STK33: variants seen among roughly 807,000 people sequenced by gnomAD.
The protein encoded by STK33 is serine/threonine kinase 33.
Under a neutral mutation model 58.0 loss-of-function variants are expected in STK33, and 52 were observed. The ratio of observed to expected loss-of-function variants is 0.90; its 90% confidence interval spans 0.72 to 1.13. The LOEUF (loss-of-function observed/expected upper bound fraction) is 1.13, where lower values mean the gene tolerates loss of function less well. Ranked by LOEUF, STK33 falls within the 50% of genes most tolerant of loss-of-function variation. STK33 has a pLI of 0.00. For missense variants in STK33, 630 were observed against 604.2 expected, an observed-to-expected ratio of 1.04 and a Z score of -0.45; for synonymous variants, 215 against 200.1, an observed-to-expected ratio of 1.07 and a Z score of -0.63.
intron 1 of STK33, among the ~76,000 whole-genome samples, chr11:8,519,199 G>A (rs190213516): frequency 0.022 from 3,395 of 152,100 alleles, 76 homozygotes; most frequent in African/African-American, 0.053. Flanking sequence ...ACTCAAAACC[G>A]CTCAACTACA....
chr11:8,487,605 G>C (rs190330093), intron 1 of STK33, among the ~76,000 whole-genome samples: 1 of 152,122 alleles, frequency 6.6e-6, no homozygotes, highest in East Asian at 1.9e-4. Context: ...AGTCTTCAGT[G>C]GACTGAAGAA....
intron 1 of STK33, among the ~76,000 whole-genome samples, chr11:8,483,469 T>C (rs1007930826): frequency 3.3e-5 from 5 of 152,168 alleles, no homozygotes; most frequent in African/African-American, 7.2e-5. Flanking sequence ...GAGGCTCTTG[T>C]ACTGAAGAGC....
chr11:8,410,470 C>CTTTTTTTTTTTTT (rs11382344), intron 15 of STK33, among the ~76,000 whole-genome samples: 86 of 121,810 alleles, frequency 7.1e-4, no homozygotes, highest in South Asian at 1.4e-3. Context: ...CTTTTCTTTT[C>CTTTTTTTTTTTTT]TTTTTTTTTT....
chr11:8,409,113 G>T (rs1375296290), intron 15 of STK33, among the ~76,000 whole-genome samples: 1 of 152,216 alleles, frequency 6.6e-6, no homozygotes, highest in East Asian at 1.9e-4. Flanking sequence ...TCTTTTGAAG[G>T]ATAGCAGTTG....
chr11:8,534,580 G>C (rs1373797412), intron 1 of STK33, among the ~76,000 whole-genome samples: 2 of 150,602 alleles, frequency 1.3e-5, no homozygotes, highest in African/African-American at 2.4e-5. Context: ...GTGTGTGTGT[G>C]TGTGTGTGTG....
chr11:8,477,181 C>CACACACACACACACACACAT (rs1391215547), intron 3 of STK33, 69 bp downstream of exon 3: 1 of 149,212 alleles, frequency 6.7e-6, no homozygotes, highest in East Asian at 2.0e-4. Flanking sequence ...CACACATACA[C>CACACACACACACACACACAT]ATCTCTTATA....
At chr11:8,429,658 A>G (rs1307025974) in intron 14 of STK33, among the ~76,000 whole-genome samples, 2 of 152,084 alleles carry the variant, frequency 1.3e-5, no homozygotes, top group Admixed American at 1.3e-4. Flanking sequence ...CTGTTGCCAG[A>G]TAACTCTTAC....
chr11:8,355,833 G>A, the STK33 span, among the ~76,000 whole-genome samples: 2 of 152,212 alleles, frequency 1.3e-5, no homozygotes, highest in East Asian at 1.9e-4. Context: ...TGTCGGAAGC[G>A]CTTCGTAAAT....
rs571685106 is a variant in STK33, at chr11:8,451,553, G to T, written c.871+1269C>A. Among the ~76,000 whole-genome samples, 11 of 152,284 alleles carry T rather than the reference G, an allele frequency of 7.2e-5. No homozygotes were observed. In the South Asian group the frequency reaches 2.1e-3, roughly 29 times the overall value. ...AAAGAAAAAAAAAGAGGCACATTTA[G>T]AGAGACAAGAAGGCAAATCTAGAGA... On this transcript the variant is annotated intron_variant, in intron 11 of 15. Coordinates refer to ENST00000687296, the MANE Select transcript of STK33 (RefSeq NM_001352389.2).
intron 9 of STK33, among the ~76,000 whole-genome samples, chr11:8,455,563 C>T (rs1946746357): frequency 6.6e-6 from 1 of 152,088 alleles, no homozygotes; most frequent in Admixed American, 6.5e-5. Context: ...AATCCCAGCA[C>T]TGTGGGAGGC....
chr11:8,441,121 T>A (rs773450013), intron 11 of STK33, among the ~76,000 whole-genome samples: 1 of 152,196 alleles, frequency 6.6e-6, no homozygotes, highest in African/African-American at 2.4e-5. Context: ...AGATGTAACA[T>A]AATGCAGGCC....
At chr11:8,365,219 C>A in the STK33 span, among the ~76,000 whole-genome samples, 1 of 152,328 alleles carries the variant, frequency 6.6e-6, no homozygotes, top group South Asian at 2.1e-4. Flanking sequence ...TGCAGTTGCT[C>A]CCCAGCTGTG....
downstream of STK33, among the ~76,000 whole-genome samples, chr11:8,390,766 C>T (rs1171283444): frequency 6.6e-6 from 1 of 152,110 alleles, no homozygotes; most frequent in Non-Finnish European, 1.5e-5. Flanking sequence ...ATGACTTCAT[C>T]TTTTAGTTAG....
intron 6 of STK33, among the ~76,000 whole-genome samples, chr11:8,470,772 T>C (rs151245942): frequency 1.4e-4 from 21 of 152,298 alleles, no homozygotes; most frequent in Admixed American, 8.5e-4. Flanking sequence ...GGTCAGTCAC[T>C]GGAGCAATCA....
At chr11:8,352,999 C>T in the STK33 span, among the ~76,000 whole-genome samples, 5 of 152,290 alleles carry the variant, frequency 3.3e-5, no homozygotes, top group East Asian at 1.9e-4. Context: ...GCCCTGGCCC[C>T]GCGTGCTGCT....
the STK33 span, among the ~76,000 whole-genome samples, chr11:8,355,169 C>T: frequency 6.6e-6 from 1 of 152,168 alleles, no homozygotes; most frequent in African/African-American, 2.4e-5. Flanking sequence ...ATGCTGCCCT[C>T]ACCAGGCAGT....
intron 1 of STK33, among the ~76,000 whole-genome samples, chr11:8,523,241 G>C (rs1297727349): frequency 5.3e-5 from 8 of 151,838 alleles, no homozygotes; most frequent in Non-Finnish European, 8.8e-5. Flanking sequence ...GAGCGTCTCT[G>C]CCTGGCCGCC....
intron 1 of STK33, among the ~76,000 whole-genome samples, chr11:8,542,785 T>C (rs1282972318): frequency 6.6e-6 from 1 of 152,190 alleles, no homozygotes; most frequent in Non-Finnish European, 1.5e-5. Flanking sequence ...CGATCTCGGC[T>C]GCAACCTCTG....
chr11:8,345,444 G>A, the STK33 span, among the ~76,000 whole-genome samples: 1 of 152,366 alleles, frequency 6.6e-6, no homozygotes, highest in Non-Finnish European at 1.5e-5. Context: ...ACTTGCTGTG[G>A]GCCAAGGCCT....
Sources: gnomAD v4.1 joint callset for allele counts (sites outside exome capture counted in the v4.1 genomes callset) on GRCh38, gnomAD v4.1.1 for gene constraint, MANE v1.5 for transcripts, NCBI Gene and HGNC (gene_info 2026-07-23, HGNC 2026-07-21) for gene names.